SORCS3: variants seen among roughly 807,000 people sequenced by gnomAD.
SORCS3 encodes VPS10 domain-containing receptor SorCS3.
SORCS3 carries 57 observed loss-of-function variants against 146.3 expected under a neutral mutation model. The ratio of observed to expected loss-of-function variants is 0.39; its 90% CI spans 0.31 to 0.49. The LOEUF (loss-of-function observed/expected upper bound fraction) is 0.49, where lower values mean the gene tolerates loss of function less well. Ranked by LOEUF, SORCS3 falls within the 20% of genes least tolerant of loss-of-function variation. The probability of loss-of-function intolerance (pLI) is 0.92; values close to 1 mark genes in which losing one functional copy is unlikely to be tolerated. For missense variants in SORCS3, 1,341 were observed against 1,575.5 expected, an observed-to-expected ratio of 0.85 and a Z score of 2.52; for synonymous variants, 653 against 618.5, an observed-to-expected ratio of 1.06 and a Z score of -0.83.
At chr10:104,851,109 C>T (rs1261719250) in intron 2 of SORCS3, among the ~76,000 whole-genome samples, 1 of 152,102 alleles carries the variant, frequency 6.6e-6, no homozygotes, top group Non-Finnish European at 1.5e-5. Context: ...TGAGTTTGCT[C>T]TAAATATTGG....
rs144224989 is a variant in SORCS3, at chr10:104,674,611, T to C, written c.627+32657T>C. ...ATCTTTCGTAATGCCTTGTGAAAAA[T>C]TGTGAGCTGGAAGACCCAGGTAAGA... is the stretch of plus-strand genomic sequence containing the variant. On this transcript the variant is annotated intron_variant, in intron 1 of 26. Coordinates refer to ENST00000369701, the MANE Select transcript of SORCS3 (RefSeq NM_014978.3). Among the ~76,000 whole-genome samples the C allele has an allele frequency of 2.0e-3, 310 of 152,228 alleles. 1 individual carries two copies. The highest frequency in any genetic ancestry group is 6.8e-3 in the Middle Eastern group (2 of 294).
chr10:105,156,216 T>A (rs2056207434), intron 9 of SORCS3, among the ~76,000 whole-genome samples: 1 of 152,252 alleles, frequency 6.6e-6, no homozygotes, highest in African/African-American at 2.4e-5. Flanking sequence ...TTTGGCAATA[T>A]GCTATTTGCT....
At chr10:104,794,652 AGAGAGAG>A (rs1564685554) in intron 1 of SORCS3, among the ~76,000 whole-genome samples, 4 of 151,356 alleles carry the variant, frequency 2.6e-5, no homozygotes, top group South Asian at 2.1e-4. Context: ...AGAGAGAGAG[AGAGAGAG>A]AATATTATCC....
intron 4 of SORCS3, among the ~76,000 whole-genome samples, chr10:104,997,146 C>T (rs575682180): frequency 1.3e-5 from 2 of 152,230 alleles, no homozygotes; most frequent in East Asian, 1.9e-4. Context: ...CAGAAAGTTA[C>T]TCTGAGGTCA....
intron 1 of SORCS3, among the ~76,000 whole-genome samples, chr10:104,723,263 T>C (rs1028887080): frequency 1.3e-5 from 2 of 152,216 alleles, no homozygotes; most frequent in Non-Finnish European, 2.9e-5. Context: ...GAGCAGGTTG[T>C]TCAGTTTCCA....
intron 4 of SORCS3, among the ~76,000 whole-genome samples, chr10:105,041,252 T>A (rs1194308758): frequency 6.7e-6 from 1 of 149,056 alleles, no homozygotes; most frequent in Non-Finnish European, 1.5e-5. Flanking sequence ...CATAGACCAA[T>A]TGGGATCTGT....
intron 14 of SORCS3, among the ~76,000 whole-genome samples, chr10:105,178,922 C>T (rs957614198): frequency 6.6e-6 from 1 of 152,146 alleles, no homozygotes; most frequent in Non-Finnish European, 1.5e-5. Flanking sequence ...GGGCTCACAG[C>T]GTGCATCTGT....
chr10:104,751,970 A>ATATATATAG (rs2016993420), intron 1 of SORCS3, among the ~76,000 whole-genome samples: 1 of 51,942 alleles, frequency 1.9e-5, no homozygotes, highest in Non-Finnish European at 4.9e-5. Context: ...TATATATATA[A>ATATATATAG]TAGTTTAGCA....
intron 1 of SORCS3, among the ~76,000 whole-genome samples, chr10:104,689,466 T>G (rs1462990061): frequency 6.6e-6 from 1 of 152,350 alleles, no homozygotes; most frequent in Middle Eastern, 3.4e-3. Context: ...ATTATATCTT[T>G]TAATCATTCA....
At chr10:105,016,192 G>T (rs1168216787) in intron 4 of SORCS3, among the ~76,000 whole-genome samples, 1 of 114,612 alleles carries the variant, frequency 8.7e-6, no homozygotes, top group Non-Finnish European at 1.7e-5. Context: ...TCGCTCTGTC[G>T]CCAGGCTGGA....
At chr10:104,752,247 G>T (rs2016997225) in intron 1 of SORCS3, among the ~76,000 whole-genome samples, 1 of 151,776 alleles carries the variant, frequency 6.6e-6, no homozygotes, top group African/African-American at 2.4e-5. Context: ...CGTTGGCCAG[G>T]CTGGTCTTGA....
At chr10:104,893,756 A>C (rs997229269) in intron 2 of SORCS3, among the ~76,000 whole-genome samples, 2 of 152,174 alleles carry the variant, frequency 1.3e-5, no homozygotes, top group African/African-American at 4.8e-5. Flanking sequence ...GGCGAAGTGA[A>C]CAGCTCCTTG....
At chr10:105,241,984 C>G (rs1042053687) in intron 20 of SORCS3, among the ~76,000 whole-genome samples, 1 of 151,978 alleles carries the variant, frequency 6.6e-6, no homozygotes, top group East Asian at 1.9e-4. Context: ...CAATCCAGTC[C>G]AAAGATTTAA....
At chr10:104,704,957 C>T (rs904471341) in intron 1 of SORCS3, among the ~76,000 whole-genome samples, 1 of 152,140 alleles carries the variant, frequency 6.6e-6, no homozygotes, top group Non-Finnish European at 1.5e-5. Flanking sequence ...TTTCTTCTCT[C>T]CTCCTCCACC....
intron 1 of SORCS3, among the ~76,000 whole-genome samples, chr10:104,790,737 T>C (rs533969958): frequency 2.3e-4 from 35 of 152,348 alleles, no homozygotes; most frequent in Non-Finnish European, 4.0e-4. Flanking sequence ...GTTTAGTATA[T>C]GCCAAGCTCA....
intron 4 of SORCS3, among the ~76,000 whole-genome samples, chr10:105,003,763 C>A (rs1026726364): frequency 6.6e-6 from 1 of 152,110 alleles, no homozygotes; most frequent in Non-Finnish European, 1.5e-5. Flanking sequence ...ATTCCATGGG[C>A]TCCTTCCTGT....
chr10:104,879,302 T>C (rs1174269674), intron 2 of SORCS3, among the ~76,000 whole-genome samples: 1 of 152,178 alleles, frequency 6.6e-6, no homozygotes, highest in Admixed American at 6.5e-5. Flanking sequence ...TTTCAGCTGT[T>C]ATAGGCTGCT....
intron 20 of SORCS3, among the ~76,000 whole-genome samples, chr10:105,240,631 C>T: frequency 6.6e-6 from 1 of 152,132 alleles, no homozygotes; most frequent in Non-Finnish European, 1.5e-5. Context: ...AAATCATTAA[C>T]CGTAGTTGAA....
intron 6 of SORCS3, among the ~76,000 whole-genome samples, chr10:105,100,687 T>C (rs1050656286): frequency 4.6e-5 from 7 of 152,232 alleles, no homozygotes; most frequent in African/African-American, 1.7e-4. Flanking sequence ...GAATATGACT[T>C]CACTGTAGAA....
Sources: allele counts gnomAD v4.1 joint callset (sites outside exome capture counted in the v4.1 genomes callset), GRCh38; gene constraint gnomAD v4.1.1; transcripts MANE v1.5; gene names NCBI Gene and HGNC (gene_info 2026-07-23, HGNC 2026-07-21).